RAPGEF6: variants seen among roughly 807,000 people sequenced by gnomAD.
RAPGEF6 encodes PDZ domain containing guanine nucleotide exchange factor (GEF) 2.
RAPGEF6 carries 56 observed loss-of-function variants against 171.4 expected under a neutral mutation model. The ratio of observed to expected loss-of-function variants is 0.33; its 90% CI spans 0.26 to 0.41. RAPGEF6 has a LOEUF of 0.41. RAPGEF6 is among the 10% of genes least tolerant of loss of function. The pLI is 1.00. For missense variants in RAPGEF6, 1,674 were observed against 1,921.4 expected (o/e 0.87, Z 2.41); for synonymous variants, 692 against 650.1 (o/e 1.06, Z -0.98).
At chr5:131,612,527 G>A (rs1764994520) in intron 1 of RAPGEF6, among the ~76,000 whole-genome samples, 1 of 152,168 alleles carries the variant, frequency 6.6e-6, no homozygotes, top group African/African-American at 2.4e-5. Context: ...AGGAATGTCT[G>A]TACTACAAAC....
intron 1 of RAPGEF6, among the ~76,000 whole-genome samples, chr5:131,623,277 T>G (rs1168058321): frequency 6.6e-6 from 1 of 152,172 alleles, no homozygotes; most frequent in East Asian, 1.9e-4. Flanking sequence ...ATTACTAAGT[T>G]TCCTCCATCT....
At chr5:131,504,539 C>A in intron 11 of RAPGEF6, 87 bp downstream of exon 11, 1 of 1,273,806 alleles carries the variant, frequency 7.9e-7, no homozygotes, top group Non-Finnish European at 1.1e-6. Context: ...AATTATCTTG[C>A]ATTACTTAAA....
intron 20 of RAPGEF6, among the ~76,000 whole-genome samples, chr5:131,453,953 G>A (rs1170377114): frequency 6.6e-6 from 1 of 152,174 alleles, no homozygotes; most frequent in South Asian, 2.1e-4. Flanking sequence ...GAGGCAGTAA[G>A]ACTACATAAT....
chr5:131,520,679 C>A (rs973957544), intron 7 of RAPGEF6, among the ~76,000 whole-genome samples: 1 of 152,094 alleles, frequency 6.6e-6, no homozygotes, highest in African/African-American at 2.4e-5. Flanking sequence ...AACCACTGGG[C>A]TCCACACCCA....
chr5:131,492,816 A>C, intron 13 of RAPGEF6, 31 bp from the exon 14 acceptor site: 1 of 1,564,620 alleles, frequency 6.4e-7, no homozygotes, highest in Middle Eastern at 1.7e-4. Context: ...AATGTATATA[A>C]ATGTATCTAT....
chr5:131,598,000 G>A (rs886191040), intron 3 of RAPGEF6, among the ~76,000 whole-genome samples: 16 of 151,716 alleles, frequency 1.1e-4, no homozygotes, highest in Non-Finnish European at 1.8e-4. Context: ...ATAATGTGTC[G>A]ATTAAAAAGT....
At chr5:131,430,689 G>A (rs2149804792) in intron 26 of RAPGEF6, 170 bp downstream of exon 26, 1 of 947,758 alleles carries the variant, frequency 1.1e-6, no homozygotes, top group South Asian at 1.3e-5. Flanking sequence ...CTGCTCCAAA[G>A]TCTTTGAGAA....
chr5:131,439,865 G>C lies in RAPGEF6; in HGVS notation c.3611-150C>G, dbSNP rs964781537. 5 of 1,335,214 alleles carry C rather than the reference G, an allele frequency of 3.7e-6. No homozygotes were observed. In the African/African-American group the frequency reaches 7.4e-5, roughly 20 times the overall value. The allele number at this position is 1,335,214 out of a possible 1,614,324, so 82.7% of individuals were successfully genotyped here. On this transcript the variant is annotated intron_variant, in intron 23 of 27. Transcript: ENST00000509018. Reference sequence around the variant, plus strand: ...AATGACAAACAGGGACTAAATGACTGGGTAATGGCATACAGAGATTCTCAC... The same window carrying C: ...AATGACAAACAGGGACTAAATGACTCGGTAATGGCATACAGAGATTCTCAC...
At chr5:131,600,212 A>G (rs1764145873) in intron 3 of RAPGEF6, among the ~76,000 whole-genome samples, 1 of 152,226 alleles carries the variant, frequency 6.6e-6, no homozygotes, top group Non-Finnish European at 1.5e-5. Flanking sequence ...TCTTTCTCAT[A>G]AATGTTAATT....
chr5:131,612,201 ATTTTTTTTTTT>A (rs35306366), intron 1 of RAPGEF6, among the ~76,000 whole-genome samples: 173 of 83,330 alleles, frequency 2.1e-3, no homozygotes, highest in African/African-American at 7.4e-3. Context: ...TGCTCAGCTA[ATTTTTTTTTTT>A]TTTTTTTTTT....
intron 15 of RAPGEF6, among the ~76,000 whole-genome samples, chr5:131,484,066 A>G (rs995176021): frequency 3.4e-5 from 5 of 146,670 alleles, no homozygotes; most frequent in African/African-American, 1.0e-4. Flanking sequence ...ACTGCACTCC[A>G]GCCTGGGCAA....
In RAPGEF6 at chr5:131,424,044, C is replaced by CT. The variant is rs1751286820; in HGVS notation, c.*3221_*3222insA. Reference sequence around the variant, plus strand: ...TTACACTCAGTAAAAATACAAAAAGCATACAGAGGCACTGTCTTTCTAAAA... The same window carrying CT: ...TTACACTCAGTAAAAATACAAAAAGCTATACAGAGGCACTGTCTTTCTAAAA... On this transcript the variant is annotated 3_prime_UTR_variant, in exon 28 of 28. Transcript: ENST00000509018. 1 of 152,208 alleles carries CT rather than the reference C, an allele frequency of 6.6e-6. No homozygotes were observed. Among genetic ancestry groups the CT allele is most frequent in the Admixed American group, 6.5e-5 (1 of 15,268 alleles). 9.4% of individuals were successfully genotyped at this position (152,208 alleles called of 1,614,324 possible).
chr5:131,610,372 A>G (rs1192975592), intron 1 of RAPGEF6, among the ~76,000 whole-genome samples: 6 of 151,296 alleles, frequency 4.0e-5, no homozygotes, highest in East Asian at 3.9e-4. Context: ...ACCAGGGCCC[A>G]AGAATCAGCA....
In RAPGEF6 at chr5:131,483,205, G is replaced by A. The variant is rs149206240; in HGVS notation, c.1841-3452C>T. Among the ~76,000 whole-genome samples the A allele has an allele frequency of 3.6e-3, 539 of 151,826 alleles. 1 individual carries two copies. The highest frequency in any genetic ancestry group is 0.017 in the Middle Eastern group (5 of 292). On this transcript the variant is annotated intron_variant, in intron 15 of 27. Transcript: ENST00000509018. ...CTCTACTGAAAATACAAAAATGAGCGGGGCACGGTGGCGCATGCCTGTAAT... is the reference window on the plus strand; with the variant it reads ...CTCTACTGAAAATACAAAAATGAGCAGGGCACGGTGGCGCATGCCTGTAAT...
At chr5:131,439,414 C>CCT (rs1451048168) in intron 24 of RAPGEF6, among the ~76,000 whole-genome samples, 167 bp downstream of exon 24, 80 of 152,254 alleles carry the variant, frequency 5.3e-4, no homozygotes, top group South Asian at 1.9e-3. Flanking sequence ...CACATAATAT[C>CCT]TAAAAAGCAT....
intron 4 of RAPGEF6, among the ~76,000 whole-genome samples, chr5:131,564,944 C>T (rs1761840182): frequency 6.6e-6 from 1 of 152,018 alleles, no homozygotes; most frequent in Admixed American, 6.6e-5. Flanking sequence ...ATAAAGTTTC[C>T]TCTCAATTTT....
At chr5:131,579,282 C>T (rs768047595) in intron 4 of RAPGEF6, among the ~76,000 whole-genome samples, 2 of 152,070 alleles carry the variant, frequency 1.3e-5, no homozygotes, top group Non-Finnish European at 2.9e-5. Context: ...CAGTATGGAC[C>T]CAAAGAGTGA....
intron 1 of RAPGEF6, among the ~76,000 whole-genome samples, chr5:131,625,806 C>T (rs985485455): frequency 7.9e-6 from 1 of 125,914 alleles, no homozygotes; most frequent in Non-Finnish European, 1.8e-5. Context: ...ACAGAGACTC[C>T]GTCTCAAAAA....
At chr5:131,620,713 C>G (rs1354072095) in intron 1 of RAPGEF6, among the ~76,000 whole-genome samples, 2 of 152,048 alleles carry the variant, frequency 1.3e-5, no homozygotes, top group African/African-American at 4.8e-5. Context: ...GCCTCAGCCT[C>G]CCAAGCAGCT....
Sources: gnomAD v4.1 joint callset for allele counts (sites outside exome capture counted in the v4.1 genomes callset) on GRCh38, gnomAD v4.1.1 for gene constraint, MANE v1.5 for transcripts, NCBI Gene and HGNC (gene_info 2026-07-23, HGNC 2026-07-21) for gene names.